EIF5A: variants seen among roughly 807,000 people sequenced by gnomAD.
The protein encoded by EIF5A is eukaryotic translation initiation factor 5A.
Under a neutral mutation model 16.6 loss-of-function variants are expected in EIF5A, and 1 was observed. The observed-to-expected ratio is 0.06, with a 90% CI of 0.02 to 0.28. The LOEUF (loss-of-function observed/expected upper bound fraction) is 0.28, where lower values mean the gene tolerates loss of function less well. Among genes scored for constraint, EIF5A ranks in the 10% least tolerant of loss-of-function variants. The pLI is 1.00. For synonymous variants in EIF5A, 80 were observed against 73.6 expected, an observed-to-expected ratio of 1.09 and a Z score of -0.44; for missense variants, 29 against 196.1, an observed-to-expected ratio of 0.15 and a Z score of 5.09.
upstream of EIF5A, chr17:7,307,306 TGTG>T (rs2072652410): frequency 8.4e-7 from 1 of 1,185,352 alleles, no homozygotes; most frequent in South Asian, 2.0e-5. Context: ...CTTTAGAGGG[TGTG>T]GAGTGCAGGG....
chr17:7,307,059 G>A (rs1284291368), upstream of EIF5A: 2 of 1,601,806 alleles, frequency 1.2e-6, no homozygotes, highest in Admixed American at 1.7e-5. Flanking sequence ...GTGTGGAACT[G>A]GGGGGACTGA....
chr17:7,311,675 G>A (rs2072832120), intron 5 of EIF5A, 24 bp downstream of exon 5: 2 of 1,613,422 alleles, frequency 1.2e-6, no homozygotes, highest in Admixed American at 1.7e-5. Context: ...ATCCCTCACT[G>A]TCCCCTTCAC....
intron 1 of EIF5A, chr17:7,308,515 C>G (rs143141577): frequency 1.5e-6 from 2 of 1,351,492 alleles, no homozygotes; most frequent in Non-Finnish European, 2.0e-6. Context: ...GCTTCCCAAC[C>G]TCAAGGGCCC....
intron 3 of EIF5A, 82 bp from the exon 4 acceptor site, chr17:7,311,268 C>T (rs949853779): frequency 6.8e-6 from 11 of 1,606,620 alleles, no homozygotes; most frequent in African/African-American, 1.3e-5. Context: ...GCTATCAGTC[C>T]AGTTTGTCTA....
rs1388009960 is a variant in EIF5A at position 7,307,695 on chromosome 17, G to A, written c.-79G>A. On this transcript the variant is annotated 5_prime_UTR_variant, in exon 1 of 6. Transcript: ENST00000336458. ...GGCGGCGGCGGCGGCAGCGGGCTCGGAGGCAGCGGTTGGGCTCGCGGCGAG... is the reference window on the plus strand; with the variant it reads ...GGCGGCGGCGGCGGCAGCGGGCTCGAAGGCAGCGGTTGGGCTCGCGGCGAG... 4.8e-6 allele frequency: 5 copies of A among 1,051,196 alleles called. No individual in the cohort carries two copies. The African/African-American group carries it at 6.9e-5, about 15-fold the overall frequency. The allele number at this position is 1,051,196 out of a possible 1,614,324, so 65.1% of individuals were successfully genotyped here. A position where few individuals can be genotyped will look rare whatever the true frequency, so the allele number is the denominator to read the frequency against.
intron 1 of EIF5A, 164 bp from the exon 2 acceptor site, chr17:7,309,451 G>A (rs1052041306): frequency 1.1e-6 from 1 of 887,444 alleles, no homozygotes; most frequent in African/African-American, 1.7e-5. Flanking sequence ...CAGTTCTTGA[G>A]TATATTTGAG....
At chr17:7,307,213 C>T (rs1317280282), upstream of EIF5A, 8 of 1,372,012 alleles carry the variant, frequency 5.8e-6, no homozygotes, top group Non-Finnish European at 7.9e-6. Context: ...GTCTTTTCAA[C>T]GCCTGGCGTA....
chr17:7,311,207 G>T, intron 3 of EIF5A, 85 bp downstream of exon 3: 3 of 1,580,206 alleles, frequency 1.9e-6, no homozygotes, highest in South Asian at 1.1e-5. Context: ...AGGAGAGCTT[G>T]TGCTGGGAGA....
intron 1 of EIF5A, chr17:7,308,460 C>T (rs141076858): frequency 4.5e-6 from 6 of 1,341,746 alleles, no homozygotes; most frequent in African/African-American, 3.0e-5. Flanking sequence ...GCCGGAGGCT[C>T]GGGTCCTAAT....
chr17:7,307,512 A>G, upstream of EIF5A: 1 of 994,756 alleles, frequency 1.0e-6, no homozygotes, highest in South Asian at 4.0e-5. Context: ...GAGGGTGGAG[A>G]TGGGTAGGGT....
intron 3 of EIF5A, 53 bp downstream of exon 3, chr17:7,311,175 G>C: frequency 6.2e-7 from 1 of 1,600,084 alleles, no homozygotes; most frequent in Non-Finnish European, 8.5e-7. Context: ...TGGAGGGAGG[G>C]GTTGGGGGAT....
chr17:7,311,119 C>T lies in EIF5A; in HGVS notation c.267C>T (p.Phe89=), dbSNP rs1567613341. 1.2e-6 allele frequency: 2 copies of T among 1,613,586 alleles called. No individual in the cohort carries two copies. Among genetic ancestry groups the T allele is most frequent in the Non-Finnish European group, 1.7e-6 (2 of 1,179,720 alleles). Residue 89 remains phenylalanine, a synonymous_variant, in exon 3 of 6, where the codon TTC becomes TTT. Coordinates refer to ENST00000336458, the MANE Select transcript of EIF5A (RefSeq NM_001970.5). ...MDVPNIKRND[F]QLIGIQDGYL... ...TCCCCAACATCAAAAGGAATGACTT[C>T]CAGGTATGTAGATGGTCTGGATGAG...
At chr17:7,310,934 C>T in intron 2 of EIF5A, 84 bp from the exon 3 acceptor site, 5 of 1,496,286 alleles carry the variant, frequency 3.3e-6, no homozygotes, top group South Asian at 1.3e-5. Context: ...TTCTGACTTC[C>T]CTCATCAGGC....
Position 7,311,742 on chromosome 17 carries a change from G to T in EIF5A, c.*12-80G>T, listed in dbSNP as rs545003994. On this transcript the variant is annotated intron_variant, in intron 5 of 5. Transcript: ENST00000336458. Reference sequence around the variant, plus strand: ...CTTAATTGTTTCAGGCTTACTTTCTGCCCCTAGCCTGGCTCTGTCCTCCCT... The same window carrying T: ...CTTAATTGTTTCAGGCTTACTTTCTTCCCCTAGCCTGGCTCTGTCCTCCCT... 8.5e-6 allele frequency: 13 copies of T among 1,521,332 alleles called. No homozygotes were observed. The East Asian group carries it at 3.0e-4, about 36-fold the overall frequency. 94.2% of individuals were successfully genotyped at this position (1,521,332 alleles called of 1,614,324 possible). A position where few individuals can be genotyped will look rare whatever the true frequency, so the allele number is the denominator to read the frequency against.
intron 2 of EIF5A, chr17:7,310,074 TTATGCTCTAGC>T (rs2072769947): frequency 1.8e-5 from 26 of 1,427,894 alleles, no homozygotes; most frequent in Non-Finnish European, 2.3e-5. Context: ...TCATAGGCCT[TTATGCTCTAGC>T]TATTCAGTTG....
At chr17:7,308,002 G>A (rs1310267311) in intron 1 of EIF5A, 1 of 985,336 alleles carries the variant, frequency 1.0e-6, no homozygotes, top group African/African-American at 1.8e-5. Context: ...AGGCAGCCAC[G>A]CGGGAGAGGC....
At chr17:7,307,416 C>T (rs2072654867), upstream of EIF5A, 3 of 1,123,660 alleles carry the variant, frequency 2.7e-6, no homozygotes, top group East Asian at 5.1e-5. Context: ...CCGGGTGCGC[C>T]TGCGCGTTGC....
At chr17:7,309,939 T>G (rs1171726457) in intron 2 of EIF5A, 139 bp downstream of exon 2, 2 of 1,561,806 alleles carry the variant, frequency 1.3e-6, no homozygotes, top group African/African-American at 2.7e-5. Flanking sequence ...CGCTCAGCCT[T>G]CATACCCATT....
chr17:7,308,381 G>A (rs1345112641), intron 1 of EIF5A: 4 of 1,205,546 alleles, frequency 3.3e-6, no homozygotes, highest in Non-Finnish European at 4.2e-6. Flanking sequence ...GCAGGAGCCG[G>A]CAGCCCCTAG....
Sources: gnomAD v4.1 joint callset for allele counts on GRCh38, gnomAD v4.1.1 for gene constraint, MANE v1.5 for transcripts, NCBI Gene and HGNC (gene_info 2026-07-23, HGNC 2026-07-21) for gene names.